SGCD: variants seen among roughly 807,000 people sequenced by gnomAD.
The protein encoded by SGCD is sarcoglycan delta.
Under a neutral mutation model 36.6 loss-of-function variants are expected in SGCD, and 18 were observed. The ratio of observed to expected loss-of-function variants is 0.49; its 90% CI spans 0.34 to 0.73. The LOEUF (loss-of-function observed/expected upper bound fraction) is 0.73. SGCD is among the 30% of genes least tolerant of loss of function. The probability of loss-of-function intolerance (pLI) is 0.01; values close to 1 mark genes in which losing one functional copy is unlikely to be tolerated. For missense variants in SGCD, 387 were observed against 346.7 expected (o/e 1.12, Z -0.92); for synonymous variants, 133 against 130.6 (o/e 1.02, Z -0.12).
the SGCD span, among the ~76,000 whole-genome samples, chr5:155,747,750 G>A: frequency 1.3e-5 from 2 of 152,154 alleles, no homozygotes; most frequent in African/African-American, 4.8e-5. Context: ...AAATCTTTGA[G>A]TTGTTTTCCT....
chr5:156,243,499 G>A (rs1765356814), intron 3 of SGCD, among the ~76,000 whole-genome samples: 2 of 152,102 alleles, frequency 1.3e-5, no homozygotes, highest in Non-Finnish European at 2.9e-5. Flanking sequence ...TTAACCCAGT[G>A]GCATTGCATT....
chr5:156,606,106 A>G lies in SGCD; in HGVS notation c.502+11055A>G, dbSNP rs560503088. ...TGCCATTGCTTTTGGTGTTTTAGACATGAAGTCCTTGCCCATGCCTATGTC... is the reference window on the plus strand; with the variant it reads ...TGCCATTGCTTTTGGTGTTTTAGACGTGAAGTCCTTGCCCATGCCTATGTC... On this transcript the variant is annotated intron_variant, in intron 6 of 8. Transcript: ENST00000337851. Among the ~76,000 whole-genome samples, 39 of 152,320 alleles carry G rather than the reference A, an allele frequency of 2.6e-4. No homozygotes were observed. In the East Asian group the frequency reaches 6.7e-3, roughly 26 times the overall value.
intron 3 of SGCD, among the ~76,000 whole-genome samples, chr5:156,245,641 G>A (rs1442199896): frequency 6.6e-6 from 1 of 152,042 alleles, no homozygotes; most frequent in East Asian, 1.9e-4. Context: ...TTCTGATAAA[G>A]CCTCTAGTCT....
chr5:156,026,570 C>T (rs1243127081), intron 1 of SGCD, among the ~76,000 whole-genome samples: 2 of 152,222 alleles, frequency 1.3e-5, no homozygotes, highest in South Asian at 2.1e-4. Flanking sequence ...TTGTTTGAGC[C>T]CAAACTATTC....
intron 1 of SGCD, among the ~76,000 whole-genome samples, chr5:155,911,633 C>T (rs1016765601): frequency 5.9e-5 from 9 of 152,094 alleles, no homozygotes; most frequent in Admixed American, 1.3e-4. Flanking sequence ...TTCCCTGGCT[C>T]TGATATCCTC....
At chr5:156,094,929 A>C (rs949110639) in intron 1 of SGCD, among the ~76,000 whole-genome samples, 1 of 152,090 alleles carries the variant, frequency 6.6e-6, no homozygotes, top group Non-Finnish European at 1.5e-5. Context: ...TGAACCTGGG[A>C]GGTGGAGGTT....
At chr5:155,994,040 T>C (rs569948887) in intron 1 of SGCD, among the ~76,000 whole-genome samples, 1 of 152,324 alleles carries the variant, frequency 6.6e-6, no homozygotes, top group South Asian at 2.1e-4. Context: ...AAATACAATC[T>C]GTCCCCAGTA....
intron 1 of SGCD, among the ~76,000 whole-genome samples, chr5:155,927,173 G>C (rs1013265827): frequency 1.3e-5 from 2 of 152,092 alleles, no homozygotes; most frequent in African/African-American, 2.4e-5. Context: ...CATTTCTAAC[G>C]GTCATAGAGA....
intron 6 of SGCD, among the ~76,000 whole-genome samples, chr5:156,635,817 T>C (rs1408410058): frequency 7.3e-6 from 1 of 136,200 alleles, no homozygotes; most frequent in Non-Finnish European, 1.5e-5. Flanking sequence ...TTCTCACTCA[T>C]AGATGGGAAT....
the SGCD span, among the ~76,000 whole-genome samples, chr5:155,803,877 A>G: frequency 6.6e-6 from 1 of 152,192 alleles, no homozygotes; most frequent in Non-Finnish European, 1.5e-5. Context: ...TCTGTAATGC[A>G]TGGGGCAGCG....
At chr5:156,673,201 A>C (rs540558837) in intron 7 of SGCD, among the ~76,000 whole-genome samples, 3 of 152,362 alleles carry the variant, frequency 2.0e-5, no homozygotes, top group Admixed American at 6.5e-5. Context: ...GGGCTGTCAA[A>C]GCTTTCCTGG....
the SGCD span, among the ~76,000 whole-genome samples, chr5:155,773,347 AT>A: frequency 6.6e-6 from 1 of 152,054 alleles, no homozygotes; most frequent in Non-Finnish European, 1.5e-5. Flanking sequence ...ACAATTTGTT[AT>A]TATTTTTTCT....
chr5:156,468,063 A>C (rs530135407), intron 3 of SGCD, among the ~76,000 whole-genome samples: 1 of 152,268 alleles, frequency 6.6e-6, no homozygotes, highest in African/African-American at 2.4e-5. Flanking sequence ...AATATTTATA[A>C]ATTGGCCAGG....
At chr5:155,842,583 A>T in the SGCD span, among the ~76,000 whole-genome samples, 1 of 152,160 alleles carries the variant, frequency 6.6e-6, no homozygotes, top group Non-Finnish European at 1.5e-5. Flanking sequence ...ACGGAAAAAA[A>T]AAAAGTGACT....
intron 1 of SGCD, among the ~76,000 whole-genome samples, chr5:155,994,227 G>A (rs1235116730): frequency 2.0e-5 from 3 of 152,144 alleles, no homozygotes; most frequent in Non-Finnish European, 4.4e-5. Context: ...TGACTGTGTG[G>A]CAGTGGGGAA....
intron 3 of SGCD, among the ~76,000 whole-genome samples, chr5:156,289,260 A>C (rs1044771172): frequency 1.1e-4 from 16 of 151,878 alleles, no homozygotes; most frequent in South Asian, 2.1e-4. Context: ...TTGGCTTCCC[A>C]AAAAAAATTG....
At chr5:155,978,390 A>G (rs1243926596) in intron 1 of SGCD, among the ~76,000 whole-genome samples, 1 of 152,234 alleles carries the variant, frequency 6.6e-6, no homozygotes, top group Non-Finnish European at 1.5e-5. Flanking sequence ...GAATAAAAGG[A>G]AAAATATTTT....
intron 3 of SGCD, among the ~76,000 whole-genome samples, chr5:156,491,267 C>T (rs1035714340): frequency 6.6e-6 from 1 of 152,086 alleles, no homozygotes; most frequent in Non-Finnish European, 1.5e-5. Flanking sequence ...GACCATATTA[C>T]CCAAACTAAT....
intron 1 of SGCD, among the ~76,000 whole-genome samples, chr5:156,078,543 T>TTA (rs896573507): frequency 2.9e-5 from 4 of 136,814 alleles, no homozygotes; most frequent in Non-Finnish European, 4.7e-5. Flanking sequence ...ATATATTTAT[T>TTA]TATATATATA....
Sources: gnomAD v4.1 joint callset for allele counts (sites outside exome capture counted in the v4.1 genomes callset) on GRCh38, gnomAD v4.1.1 for gene constraint, MANE v1.5 for transcripts, NCBI Gene and HGNC (gene_info 2026-07-23, HGNC 2026-07-21) for gene names.